RAB3GAP2: variants seen among roughly 807,000 people sequenced by gnomAD.
RAB3GAP2 encodes the protein rab3 GTPase-activating protein non-catalytic subunit.
A neutral mutation model predicts 185.3 loss-of-function variants in RAB3GAP2; 87 were observed. The observed-to-expected ratio is 0.47, with a 90% CI of 0.39 to 0.56. The LOEUF is 0.56. Among genes scored for constraint, RAB3GAP2 ranks in the 20% least tolerant of loss-of-function variants. The probability of loss-of-function intolerance (pLI) is 0.00; values close to 1 mark genes in which losing one functional copy is unlikely to be tolerated. For missense variants in RAB3GAP2, 1,492 were observed against 1,638.2 expected, an observed-to-expected ratio of 0.91 and a Z score of 1.54; for synonymous variants, 554 against 576.1, an observed-to-expected ratio of 0.96 and a Z score of 0.55.
chr1:220,216,586 G>C (rs1382317189), intron 2 of RAB3GAP2, among the ~76,000 whole-genome samples: 2 of 152,172 alleles, frequency 1.3e-5, no homozygotes, highest in African/African-American at 2.4e-5. Context: ...TTTCAGGTAG[G>C]AGCTTAGAAG....
At chr1:220,173,778 T>C (rs535643760) in intron 21 of RAB3GAP2, among the ~76,000 whole-genome samples, 2 of 152,106 alleles carry the variant, frequency 1.3e-5, no homozygotes, top group Non-Finnish European at 2.9e-5. Context: ...CCCAGCACTT[T>C]GGGAGGCCGA....
chr1:220,200,054 C>G (rs1179204080), intron 9 of RAB3GAP2, among the ~76,000 whole-genome samples: 1 of 152,190 alleles, frequency 6.6e-6, no homozygotes, highest in African/African-American at 2.4e-5. Flanking sequence ...TGATCTAACC[C>G]CAGTCTGCAT....
chr1:220,165,377 T>C (rs1658045082), intron 26 of RAB3GAP2, among the ~76,000 whole-genome samples: 1 of 151,824 alleles, frequency 6.6e-6, no homozygotes, highest in Admixed American at 6.6e-5. Context: ...TATGAAATAT[T>C]AGATGGGATG....
intron 1 of RAB3GAP2, among the ~76,000 whole-genome samples, chr1:220,248,619 T>TC (rs1659868599): frequency 6.6e-6 from 1 of 152,014 alleles, no homozygotes; most frequent in Non-Finnish European, 1.5e-5. Context: ...GTTTGGTTTT[T>TC]TTTTTTTGGA....
At chr1:220,169,863 T>C (rs1658141568) in intron 24 of RAB3GAP2, among the ~76,000 whole-genome samples, 1 of 152,220 alleles carries the variant, frequency 6.6e-6, no homozygotes, top group Non-Finnish European at 1.5e-5. Context: ...ATAAACTGAT[T>C]ACATGCTAAT....
chr1:220,153,932 A>G lies in RAB3GAP2; in HGVS notation c.3645+36T>C, dbSNP rs1657809915. 5 of 1,606,538 alleles carry G rather than the reference A, an allele frequency of 3.1e-6. No homozygotes were observed. In the Admixed American group the frequency reaches 6.8e-5, roughly 22 times the overall value. ...ATTTTTCCCTTATGTTTTTTTTTCC[A>G]AGAAACAAAAACAAAATCCAATAGC... On this transcript the variant is annotated intron_variant, in intron 32 of 34. Coordinates refer to ENST00000358951, the MANE Select transcript of RAB3GAP2 (RefSeq NM_012414.4).
At chr1:220,193,130 C>T in intron 13 of RAB3GAP2, 110 bp downstream of exon 13, 1 of 1,374,346 alleles carries the variant, frequency 7.3e-7, no homozygotes, top group South Asian at 1.2e-5. Context: ...AAAATGTAAA[C>T]ATGAAGAATT....
At chr1:220,193,067 T>C (rs935927992) in intron 13 of RAB3GAP2, among the ~76,000 whole-genome samples, 173 bp downstream of exon 13, 3 of 152,164 alleles carry the variant, frequency 2.0e-5, no homozygotes, top group African/African-American at 7.2e-5. Flanking sequence ...AAAAGATGTA[T>C]CAACTGACTA....
At chr1:220,233,242 T>TA (rs377359699) in intron 1 of RAB3GAP2, among the ~76,000 whole-genome samples, 4,196 of 152,048 alleles carry the variant, frequency 0.028, 173 homozygotes, top group African/African-American at 0.089. Flanking sequence ...TACACGGTGA[T>TA]AAAAAAAACA....
At chr1:220,250,736 T>C (rs547316459) in intron 1 of RAB3GAP2, among the ~76,000 whole-genome samples, 1 of 151,852 alleles carries the variant, frequency 6.6e-6, no homozygotes, top group South Asian at 2.1e-4. Flanking sequence ...GATAGTGCTG[T>C]TCTCATGCTG....
At chr1:220,214,815 A>G (rs1659154417) in intron 2 of RAB3GAP2, among the ~76,000 whole-genome samples, 1 of 151,274 alleles carries the variant, frequency 6.6e-6, no homozygotes, top group East Asian at 1.9e-4. Context: ...AAAATCTCTT[A>G]TACTCCTGTA....
intron 1 of RAB3GAP2, chr1:220,266,817 C>T: frequency 2.5e-6 from 4 of 1,596,238 alleles, no homozygotes; most frequent in East Asian, 2.2e-5. Context: ...TGGCTGGGAA[C>T]ATGCTTCAAC....
Position 220,157,297 on chromosome 1 carries a change from C to T in RAB3GAP2, c.3528G>A (p.Val1176=), listed in dbSNP as rs1657875005. ...TACTGTCAAAAAGTGAAAGTGGCTT[C>T]ACGGTCTTCAGAGAAAACCTCATGA... is the stretch of plus-strand genomic sequence containing the variant. The part of the protein sequence containing the change: ...YAVMRFSLKT[V]KPLSLFDSKG... Residue 1176 remains valine (V), a synonymous_variant, in exon 31 of 35, where the codon GTG becomes GTA. Transcript: ENST00000358951. The T allele has an allele frequency of 6.2e-7, 1 of 1,613,968 alleles. No individual in the cohort carries two copies. The highest frequency in any genetic ancestry group is 8.5e-7 in the Non-Finnish European group (1 of 1,179,988).
At chr1:220,182,225 A>G in intron 21 of RAB3GAP2, 32 bp downstream of exon 21, 1 of 1,613,922 alleles carries the variant, frequency 6.2e-7, no homozygotes, top group Non-Finnish European at 8.5e-7. Context: ...TTCACAAGGA[A>G]GAACAGCATC....
At chr1:220,205,876 A>G (rs377562784) in intron 8 of RAB3GAP2, 31 bp downstream of exon 8, 3 of 1,418,584 alleles carry the variant, frequency 2.1e-6, no homozygotes, top group Non-Finnish European at 3.0e-6. Context: ...AAACATTAAC[A>G]GAGGTTAAAT....
At chr1:220,229,661 C>T (rs1172146581) in intron 2 of RAB3GAP2, among the ~76,000 whole-genome samples, 1 of 152,148 alleles carries the variant, frequency 6.6e-6, no homozygotes, top group African/African-American at 2.4e-5. Context: ...AACAAAAATC[C>T]ATTACAGAAA....
At chr1:220,241,778 C>G (rs1445510586) in intron 1 of RAB3GAP2, among the ~76,000 whole-genome samples, 1 of 151,984 alleles carries the variant, frequency 6.6e-6, no homozygotes, top group Non-Finnish European at 1.5e-5. Flanking sequence ...CACTTAGTCA[C>G]TTACCAAAGG....
rs564352150 is a variant in RAB3GAP2 at position 220,157,475 on chromosome 1, C to T, written c.3350G>A (p.Arg1117Lys). Residue 1117 changes from arginine (R) to lysine (K), a missense_variant, in exon 31 of 35, where the codon AGG (arginine) becomes AAG (lysine). This residue lies in a region of RAB3GAP2 where 387 missense variants were observed against 455.3 expected (regional missense o/e 0.85). Transcript: ENST00000358951. ...CAGCACAGGCACCTGTATTTCATCC[C>T]TGCTAACATCTGCCTAAGGGTTTTG... The part of the protein sequence containing the change: ...LQILMEADVS[R>K]DEIQVPVLDT... 4.3e-6 allele frequency: 7 copies of T among 1,613,126 alleles called. No homozygotes were observed. Among genetic ancestry groups the T allele is most frequent in the South Asian group, 2.2e-5 (2 of 91,046 alleles).
At chr1:220,246,927 GA>G (rs1004951576) in intron 1 of RAB3GAP2, among the ~76,000 whole-genome samples, 23 of 147,364 alleles carry the variant, frequency 1.6e-4, no homozygotes, top group African/African-American at 3.2e-4. Context: ...ATAAAAAGAA[GA>G]AAAAAAAAGT....
Sources: allele counts gnomAD v4.1 joint callset (sites outside exome capture counted in the v4.1 genomes callset), GRCh38; gene constraint gnomAD v4.1.1; regional missense constraint gnomAD v4.1.1; transcripts MANE v1.5; gene names NCBI Gene and HGNC (gene_info 2026-07-23, HGNC 2026-07-21).